Variants in SPICE1 observed in about 807,000 individuals in gnomAD.
SPICE1 encodes spindle and centriole-associated protein 1.
SPICE1 carries 75 observed loss-of-function variants against 102.7 expected under a neutral mutation model. The observed-to-expected ratio is 0.73, with a 90% CI of 0.61 to 0.88. The LOEUF (loss-of-function observed/expected upper bound fraction) is 0.88, where lower values mean the gene tolerates loss of function less well. SPICE1 is among the 40% of genes least tolerant of loss of function. SPICE1 has a pLI of 0.00. For missense variants in SPICE1, 979 were observed against 1,020.1 expected (o/e 0.96, Z 0.55); for synonymous variants, 308 against 350.3 (o/e 0.88, Z 1.35).
chr3:113,509,564 C>T (rs540719266), intron 1 of SPICE1, among the ~76,000 whole-genome samples: 4 of 152,188 alleles, frequency 2.6e-5, no homozygotes, highest in Admixed American at 2.0e-4. Context: ...CCCTGTGAAG[C>T]CTGTTCTGTC....
intron 7 of SPICE1, among the ~76,000 whole-genome samples, chr3:113,483,049 T>C (rs549592673): frequency 1.3e-5 from 2 of 152,174 alleles, no homozygotes; most frequent in Non-Finnish European, 2.9e-5. Context: ...ATGGAATGTT[T>C]TTCCATTTGT....
At chr3:113,485,997 G>T (rs959567519) in intron 7 of SPICE1, among the ~76,000 whole-genome samples, 7 of 151,976 alleles carry the variant, frequency 4.6e-5, no homozygotes, top group African/African-American at 1.7e-4. Context: ...CTGTAATCCA[G>T]TTTCCTGGGA....
Position 113,446,654 on chromosome 3 carries a change from A to G in SPICE1, c.2449T>C (p.Ser817Pro). The change falls in exon 17 of 18, where the codon TCT (serine) becomes CCT (proline). Residue 817 changes from serine (S) to proline (P), a missense_variant. Transcript: ENST00000295872. ...GAGGTGGCATTTAGTGGAGAACAAG[A>G]ATTACCAGTAGCCCCGGAAGATCTA... is the stretch of plus-strand genomic sequence containing the variant. Reference protein sequence around the residue: ...TRRSSGATGNSCSPLNATSGS... With the variant: ...TRRSSGATGNPCSPLNATSGS... 1 of 1,613,578 alleles carries G rather than the reference A, an allele frequency of 6.2e-7. No homozygotes were observed. The highest frequency in any genetic ancestry group is 1.1e-5 in the South Asian group (1 of 90,962).
intron 7 of SPICE1, among the ~76,000 whole-genome samples, chr3:113,481,568 C>A (rs115517410): frequency 0.016 from 2,456 of 152,038 alleles, 36 homozygotes; most frequent in Non-Finnish European, 0.025. Context: ...CTCCCCTAGC[C>A]CCCCCAACCC....
In SPICE1 at chr3:113,468,861, T is replaced by C. The variant is rs1195997169; in HGVS notation, c.790A>G (p.Thr264Ala). 3 of 1,614,114 alleles carry C rather than the reference T, an allele frequency of 1.9e-6. No individual in the cohort carries two copies. Among genetic ancestry groups the C allele is most frequent in the Non-Finnish European group, 2.5e-6 (3 of 1,180,012 alleles). ...GTAGATTCTTCAGGCTGAAGCCTGG[T>C]TTGGAGTCTCTTGACAGCATTGGTA... ...NATNAVKRLQTRLQPEESTET... is the reference protein window; with the variant it reads ...NATNAVKRLQARLQPEESTET... The change falls in exon 9 of 18, where the codon ACC becomes GCC. Residue 264 changes from threonine to alanine, a missense_variant. Coordinates refer to ENST00000295872, the MANE Select transcript of SPICE1 (RefSeq NM_144718.4).
intron 12 of SPICE1, chr3:113,459,431 AAAAACAAAAC>A (rs140423755): frequency 6.7e-4 from 637 of 956,852 alleles, no homozygotes; most frequent in Middle Eastern, 3.3e-3. Flanking sequence ...AAAAAAAATT[AAAAACAAAAC>A]AAAACAAAAC....
At chr3:113,479,152 T>C (rs1250908174) in intron 7 of SPICE1, among the ~76,000 whole-genome samples, 1 of 128,184 alleles carries the variant, frequency 7.8e-6, no homozygotes, top group Non-Finnish European at 1.6e-5. Flanking sequence ...CAGTCGCCAG[T>C]GTGTGATGTT....
At chr3:113,493,417 AGC>A in intron 5 of SPICE1, 105 bp from the exon 6 acceptor site, 1 of 834,098 alleles carries the variant, frequency 1.2e-6, no homozygotes, top group South Asian at 1.5e-5. Flanking sequence ...AATCTTAAAC[AGC>A]AGCTCACATT....
At chr3:113,459,409 T>G in intron 12 of SPICE1, 1 of 905,320 alleles carries the variant, frequency 1.1e-6, no homozygotes, top group Non-Finnish European at 1.3e-6. Flanking sequence ...CCAAGAATGA[T>G]CAATAAATAC....
intron 7 of SPICE1, among the ~76,000 whole-genome samples, chr3:113,472,086 C>G (rs1280239966): frequency 6.6e-6 from 1 of 152,250 alleles, no homozygotes; most frequent in Non-Finnish European, 1.5e-5. Flanking sequence ...CATGCCCACC[C>G]TAATACTGCA....
chr3:113,500,318 G>A (rs1014430010), intron 3 of SPICE1, among the ~76,000 whole-genome samples: 1 of 152,106 alleles, frequency 6.6e-6, no homozygotes, highest in Non-Finnish European at 1.5e-5. Flanking sequence ...GTACTACTGA[G>A]TTTTCACCAT....
chr3:113,475,971 A>G (rs1201506938), intron 7 of SPICE1, among the ~76,000 whole-genome samples: 7 of 152,168 alleles, frequency 4.6e-5, no homozygotes, highest in Non-Finnish European at 7.3e-5. Flanking sequence ...AGGGTATTCA[A>G]TTAGGAAAAG....
chr3:113,449,844 G>T, intron 15 of SPICE1: 1 of 156,248 alleles, frequency 6.4e-6, no homozygotes, highest in Non-Finnish European at 1.4e-5. Flanking sequence ...GTATCTTTTT[G>T]AATGTGAATA....
At chr3:113,494,027 A>G (rs756204006) in intron 5 of SPICE1, 22 bp downstream of exon 5, 1 of 1,530,224 alleles carries the variant, frequency 6.5e-7, no homozygotes, top group Non-Finnish European at 8.9e-7. Flanking sequence ...AAAATAGAGA[A>G]GCTTTTGTTT....
Position 113,453,952 on chromosome 3 carries a change from T to C in SPICE1, c.1658-2A>G, listed in dbSNP as rs1399441540. 6.3e-7 allele frequency: 1 copy of C among 1,583,818 alleles called. No homozygotes were observed. The highest frequency in any genetic ancestry group is 8.6e-7 in the Non-Finnish European group (1 of 1,166,890). ...GAGTTTGAACAGTCCTTCTCAATAC[T>C]ATAGATAAGAATTTAAAAATAACAA... On this transcript the variant is annotated splice_acceptor_variant, in intron 13 of 17. Transcript: ENST00000295872. LOFTEE classifies it high-confidence loss of function.
intron 7 of SPICE1, among the ~76,000 whole-genome samples, chr3:113,475,867 A>C (rs895895684): frequency 1.3e-5 from 2 of 151,678 alleles, no homozygotes; most frequent in Non-Finnish European, 3.0e-5. Context: ...CCCTTTGAAA[A>C]CTGGCACAAG....
In SPICE1 at chr3:113,468,250, A is replaced by G. The variant is rs557110059; in HGVS notation, c.1044T>C (p.Tyr348=). 11 of 1,614,150 alleles carry G rather than the reference A, an allele frequency of 6.8e-6. No individual in the cohort carries two copies. The highest frequency in any genetic ancestry group is 1.6e-4 in the Middle Eastern group (1 of 6,062). Residue 348 remains tyrosine (Y), a synonymous_variant, in exon 10 of 18, where the codon TAT becomes TAC. Transcript: ENST00000295872. ...IHEVEHEMEE[Y]ERWTGREVKG... ...TGACCTCGCGACCTGTCCACCGCTCATATTCTTCCATTTCATGTTCCACTT... is the reference window on the plus strand; with the variant it reads ...TGACCTCGCGACCTGTCCACCGCTCGTATTCTTCCATTTCATGTTCCACTT...
At chr3:113,492,955 T>C (rs769513603) in intron 6 of SPICE1, among the ~76,000 whole-genome samples, 12 of 152,194 alleles carry the variant, frequency 7.9e-5, no homozygotes, top group Non-Finnish European at 1.5e-4. Flanking sequence ...TTCAATTTCT[T>C]CATCTGCCAA....
At chr3:113,507,480 G>A (rs1322624275) in intron 1 of SPICE1, among the ~76,000 whole-genome samples, 4 of 151,616 alleles carry the variant, frequency 2.6e-5, no homozygotes, top group Non-Finnish European at 1.5e-5. Context: ...TTTTCCTTAA[G>A]TACTTTTTTT....
Sources: allele counts gnomAD v4.1 joint callset (sites outside exome capture counted in the v4.1 genomes callset), GRCh38; gene constraint gnomAD v4.1.1; transcripts MANE v1.5; gene names NCBI Gene and HGNC (gene_info 2026-07-23, HGNC 2026-07-21).